FGGY: variants seen among roughly 807,000 people sequenced by gnomAD.
The protein encoded by FGGY is FGGY carbohydrate kinase domain-containing protein.
A neutral mutation model predicts 71.3 loss-of-function variants in FGGY; 72 were observed. That is an observed-to-expected ratio of 1.01 (90% CI 0.84 to 1.23). The LOEUF (loss-of-function observed/expected upper bound fraction) is 1.23. FGGY is among the 50% of genes most tolerant of loss of function. FGGY has a pLI of 0.00. For missense variants in FGGY, 668 were observed against 682.3 expected (o/e 0.98, Z 0.23); for synonymous variants, 251 against 250.3 (o/e 1.00, Z -0.02).
intron 4 of FGGY, among the ~76,000 whole-genome samples, chr1:59,374,322 A>G (rs2058264973): frequency 6.6e-6 from 1 of 152,254 alleles, no homozygotes; most frequent in East Asian, 1.9e-4. Flanking sequence ...ATCACTGGCC[A>G]TCAGAGAAAT....
intron 14 of FGGY, among the ~76,000 whole-genome samples, chr1:59,686,563 TC>T (rs1328339054): frequency 7.2e-4 from 110 of 152,296 alleles, no homozygotes; most frequent in African/African-American, 2.6e-3. Flanking sequence ...TGAAAGATGG[TC>T]TGCTATCCTC....
At chr1:59,726,130 T>C (rs1453322826) in intron 14 of FGGY, among the ~76,000 whole-genome samples, 1 of 152,120 alleles carries the variant, frequency 6.6e-6, no homozygotes, top group African/African-American at 2.4e-5. Context: ...TTAATCACAA[T>C]AAAAAATGAT....
At chr1:59,467,845 A>AT (rs144483145) in intron 6 of FGGY, among the ~76,000 whole-genome samples, 1 of 151,708 alleles carries the variant, frequency 6.6e-6, no homozygotes, top group Admixed American at 6.6e-5. Context: ...TAAGGATTTG[A>AT]TTTTTTTTAA....
At chr1:59,451,065 A>G (rs1228820327) in intron 5 of FGGY, among the ~76,000 whole-genome samples, 1 of 151,944 alleles carries the variant, frequency 6.6e-6, no homozygotes, top group Non-Finnish European at 1.5e-5. Flanking sequence ...TTTGTTTTCT[A>G]TTTATATTAC....
At chr1:59,756,489 C>T (rs181309193) in intron 14 of FGGY, among the ~76,000 whole-genome samples, 10 of 152,338 alleles carry the variant, frequency 6.6e-5, no homozygotes, top group African/African-American at 1.7e-4. Context: ...CCGCTTCTAG[C>T]GTAGTATTTA....
chr1:59,744,436 G>A (rs890808640), intron 14 of FGGY, among the ~76,000 whole-genome samples: 12 of 152,180 alleles, frequency 7.9e-5, no homozygotes, highest in South Asian at 2.1e-4. Context: ...GGCCAGGCTG[G>A]TCTCGAACCC....
At chr1:59,564,831 A>C (rs908262874) in intron 8 of FGGY, among the ~76,000 whole-genome samples, 4 of 152,202 alleles carry the variant, frequency 2.6e-5, no homozygotes, top group Non-Finnish European at 5.9e-5. Context: ...AACACGGCAA[A>C]GTCAGGTGAA....
At chr1:59,549,797 G>A (rs909496224) in intron 7 of FGGY, among the ~76,000 whole-genome samples, 2 of 152,174 alleles carry the variant, frequency 1.3e-5, no homozygotes, top group Non-Finnish European at 2.9e-5. Flanking sequence ...CATAAATATA[G>A]TAGGGACTCA....
chr1:59,708,475 A>G (rs894348925), intron 14 of FGGY, among the ~76,000 whole-genome samples: 5 of 152,208 alleles, frequency 3.3e-5, no homozygotes, highest in African/African-American at 1.2e-4. Context: ...TGGTTAAGAC[A>G]TTGCCTACCC....
At chr1:59,689,089 C>A (rs1469591419) in intron 14 of FGGY, among the ~76,000 whole-genome samples, 1 of 151,922 alleles carries the variant, frequency 6.6e-6, no homozygotes, top group South Asian at 2.1e-4. Context: ...AGGCCAGGTA[C>A]CCTATCTTCC....
At chr1:59,595,499 G>A (rs1339783638) in intron 8 of FGGY, among the ~76,000 whole-genome samples, 1 of 152,108 alleles carries the variant, frequency 6.6e-6, no homozygotes, top group East Asian at 1.9e-4. Context: ...GACCAGCCTA[G>A]CCAATATGGC....
Position 59,692,216 on chromosome 1 carries a change from T to G in FGGY, c.1512+18083T>G, listed in dbSNP as rs140146893. Reference sequence around the variant, plus strand: ...AGTAAATGACCCGGACTTCCAACTCTAAATCTCTGTCTCATTTCACCTCTT... The same window carrying G: ...AGTAAATGACCCGGACTTCCAACTCGAAATCTCTGTCTCATTTCACCTCTT... On this transcript the variant is annotated intron_variant, in intron 14 of 15. Coordinates refer to ENST00000303721, the MANE Select transcript of FGGY (RefSeq NM_018291.5). Among the ~76,000 whole-genome samples, 1,373 of 152,366 alleles carry G rather than the reference T, an allele frequency of 9.0e-3. 19 individuals are homozygous for G. The highest frequency in any genetic ancestry group is 0.039 in the East Asian group (200 of 5,194).
In FGGY at chr1:59,757,501, C is replaced by T. The variant is rs951556911; in HGVS notation, c.1513-430C>T. 3.9e-5 allele frequency among the ~76,000 whole-genome samples: 6 copies of T among 152,220 alleles called. No homozygotes were observed. In the East Asian group the frequency reaches 1.2e-3, roughly 29 times the overall value. ...AATATTTTATCCTCAAGTACAGGTG[C>T]GAAGTGAGTTCCATTCCGTGATTGC... On this transcript the variant is annotated intron_variant, in intron 14 of 15. Transcript: ENST00000303721.
rs763157888 is a variant in FGGY, at chr1:59,477,738, G to C, written c.670+20662G>C. ...GCCCTTACTTCAGAGGCTACTTAAGGGACCAGGTAATGATTTTACGATGTT... is the reference window on the plus strand; with the variant it reads ...GCCCTTACTTCAGAGGCTACTTAAGCGACCAGGTAATGATTTTACGATGTT... On this transcript the variant is annotated intron_variant, in intron 6 of 15. Coordinates refer to ENST00000303721, the MANE Select transcript of FGGY (RefSeq NM_018291.5). Among the ~76,000 whole-genome samples, 3 of 152,194 alleles carry C rather than the reference G, an allele frequency of 2.0e-5. No homozygotes were observed. The South Asian group carries it at 6.2e-4, about 32-fold the overall frequency.
Position 59,564,614 on chromosome 1 carries a change from C to T in FGGY, c.903+10387C>T, listed in dbSNP as rs78022655. ...AGTGAAAGACACAGTGAGATCCACT[C>T]CACACTTACTAGAATGGCTGAAGTT... On this transcript the variant is annotated intron_variant, in intron 8 of 15. Transcript: ENST00000303721. 2.1e-3 allele frequency among the ~76,000 whole-genome samples: 313 copies of T among 152,322 alleles called. 4 individuals carry two copies. The highest frequency in any genetic ancestry group is 7.3e-3 in the African/African-American group (305 of 41,566).
chr1:59,555,854 A>C (rs904180421), intron 8 of FGGY, among the ~76,000 whole-genome samples: 2 of 152,116 alleles, frequency 1.3e-5, no homozygotes, highest in African/African-American at 4.8e-5. Flanking sequence ...ACAAAAAATT[A>C]GCCGGGCGTG....
intron 15 of FGGY, among the ~76,000 whole-genome samples, chr1:59,759,583 T>G (rs2098325202): frequency 6.6e-6 from 1 of 152,240 alleles, no homozygotes; most frequent in Non-Finnish European, 1.5e-5. Flanking sequence ...TGCTGGGAGC[T>G]GGCAGCTGGC....
At chr1:59,323,796 T>A (rs148620588) in intron 2 of FGGY, among the ~76,000 whole-genome samples, 70 of 152,352 alleles carry the variant, frequency 4.6e-4, no homozygotes, top group African/African-American at 1.7e-3. Flanking sequence ...GTCATAACAT[T>A]GCCTAGAAAT....
At chr1:59,436,894 T>C (rs962559759) in intron 5 of FGGY, among the ~76,000 whole-genome samples, 1 of 152,206 alleles carries the variant, frequency 6.6e-6, no homozygotes, top group African/African-American at 2.4e-5. Flanking sequence ...AAGGCCACTG[T>C]CCTTGGAGAA....
Sources: gnomAD v4.1 joint callset for allele counts (sites outside exome capture counted in the v4.1 genomes callset) on GRCh38, gnomAD v4.1.1 for gene constraint, MANE v1.5 for transcripts, NCBI Gene and HGNC (gene_info 2026-07-23, HGNC 2026-07-21) for gene names.